The following ADGRB2 variants were observed in gnomAD, a reference collection of about 807,000 sequenced individuals.
ADGRB2 encodes adhesion G protein-coupled receptor B2, also known as brain-specific angiogenesis inhibitor 2.
In ADGRB2, 47 loss-of-function variants were observed where a neutral mutation model predicts 178.7. The observed-to-expected ratio is 0.26, with a 90% CI of 0.21 to 0.34. The LOEUF (loss-of-function observed/expected upper bound fraction) is 0.34, where lower values mean the gene tolerates loss of function less well. ADGRB2 is among the 10% of genes least tolerant of loss of function. The pLI is 1.00. For synonymous variants in ADGRB2, 870 were observed against 912.4 expected (o/e 0.95, Z 0.84); for missense variants, 1,584 against 2,180.8 (o/e 0.73, Z 5.45).
rs1570088745 is a variant in ADGRB2, at chr1:31,757,987, G to T, written c.-190-476C>A. ...CAGGCCAGAGTGGGTAAGGGCTGAG[G>T]ATGGGGGGAGCTGCAGGTGCCCTCC... On this transcript the variant is annotated intron_variant, in intron 1 of 32. Coordinates refer to ENST00000373658, the MANE Select transcript of ADGRB2 (RefSeq NM_001364857.2). 3.3e-5 allele frequency among the ~76,000 whole-genome samples: 5 copies of T among 152,266 alleles called. 1 individual carries two copies. The South Asian group carries it at 1.0e-3, about 32-fold the overall frequency.
At position 31,730,861 on chromosome 1, in the gene ADGRB2, T is replaced by A. The variant is rs1384963677; in HGVS notation, c.4319A>T (p.Glu1440Val). Residue 1440 changes from glutamate to valine, a missense_variant, in exon 29 of 33, where the codon GAG becomes GTG. This residue lies in a region of ADGRB2 where 865 missense variants were observed against 1,192.8 expected (regional missense o/e 0.73). Transcript: ENST00000373658. ...PSARQVPEPG[E>V]RSRTMPRTVP... ...GGTGCGAGGCATGGTCCGGCTGCGC[T>A]CCCCTGGCTCGGGCACTTGGCGGGC... is the stretch of plus-strand genomic sequence containing the variant. 1 of 1,545,232 alleles carries A rather than the reference T, an allele frequency of 6.5e-7. No homozygotes were observed. Among genetic ancestry groups the A allele is most frequent in the Non-Finnish European group, 8.7e-7 (1 of 1,148,200 alleles).
Position 31,744,043 on chromosome 1 carries a change from TG to T in ADGRB2, c.1087+149del. 1 of 1,060,078 alleles carries T rather than the reference TG, an allele frequency of 9.4e-7. No homozygotes were observed. The highest frequency in any genetic ancestry group is 1.3e-6 in the Non-Finnish European group (1 of 752,480). 65.7% of individuals were successfully genotyped at this position (1,060,078 alleles called of 1,614,324 possible). The stretch of plus-strand genomic sequence containing the variant: ...CCCAGTGCCCTGCACCGGGCTGGCA[TG>T]GTACGCAGAGTTGGGCATGGTGTGG... On this transcript the variant is annotated intron_variant, in intron 6 of 32. Coordinates refer to ENST00000373658, the MANE Select transcript of ADGRB2 (RefSeq NM_001364857.2). The surrounding 1 kb of genome is among the most constrained non-coding windows in gnomAD (Gnocchi z 6.7).
intron 4 of ADGRB2, among the ~76,000 whole-genome samples, chr1:31,751,910 A>T (rs1387042307): frequency 6.6e-6 from 1 of 152,156 alleles, no homozygotes; most frequent in Non-Finnish European, 1.5e-5. Flanking sequence ...TTTGTTAGGC[A>T]TCTACCATGT....
chr1:31,731,761 A>G (rs1259270733), intron 28 of ADGRB2, among the ~76,000 whole-genome samples: 1 of 152,108 alleles, frequency 6.6e-6, no homozygotes, highest in Non-Finnish European at 1.5e-5. Context: ...CAGAAATGGA[A>G]AGATTCTGGT....
At chr1:31,752,351 C>T (rs1030791325) in intron 4 of ADGRB2, among the ~76,000 whole-genome samples, 5 of 152,210 alleles carry the variant, frequency 3.3e-5, no homozygotes. Flanking sequence ...CAGATCTGGG[C>T]TGGAAGGACC....
rs913927899 is a variant in ADGRB2, at chr1:31,755,770, C to T, written c.838+229G>A. Among the ~76,000 whole-genome samples the T allele has an allele frequency of 2.6e-5, 4 of 152,044 alleles. No homozygotes were observed. Among genetic ancestry groups the T allele is most frequent in the African/African-American group, 9.7e-5 (4 of 41,384 alleles). ...GGTCCCTCCCTGGGTTTATATATCA[C>T]CCTGCATTATCTGATCTGTGCCCCC... On this transcript the variant is annotated intron_variant, in intron 4 of 32. Transcript: ENST00000373658. The surrounding 1 kb of genome is among the most constrained non-coding windows in gnomAD (Gnocchi z 5.1).
At chr1:31,743,034 G>C in intron 6 of ADGRB2, 32 bp from the exon 7 acceptor site, 2 of 1,377,730 alleles carry the variant, frequency 1.5e-6, no homozygotes, top group Non-Finnish European at 1.9e-6. Context: ...GTGGCTGGGC[G>C]GCACCATGGC....
intron 25 of ADGRB2, among the ~76,000 whole-genome samples, chr1:31,734,022 G>A (rs1485454596): frequency 1.3e-5 from 2 of 152,204 alleles, no homozygotes; most frequent in Admixed American, 6.5e-5. Context: ...GCACCATTCC[G>A]CAGAGACAGC....
At chr1:31,731,672 C>A (rs1645291033) in intron 28 of ADGRB2, among the ~76,000 whole-genome samples, 1 of 152,122 alleles carries the variant, frequency 6.6e-6, no homozygotes. Flanking sequence ...TGGTGCAGGT[C>A]CCGACTTTGA....
chr1:31,744,739 A>G lies in ADGRB2; in HGVS notation c.839-8T>C. On this transcript the variant is annotated splice_region_variant and splice_polypyrimidine_tract_variant and intron_variant, in intron 4 of 32. Coordinates refer to ENST00000373658, the MANE Select transcript of ADGRB2 (RefSeq NM_001364857.2). This position sits in a 1 kb window ranked among gnomAD's most constrained non-coding sequence, Gnocchi z 6.7. ...CCTCTTCCGGCTCCTCACCTGGAAC[A>G]CGGAGGTGGTGGCAGGGGCTCAGCA... 2 of 1,614,146 alleles carry G rather than the reference A, an allele frequency of 1.2e-6. No homozygotes were observed. The highest frequency in any genetic ancestry group is 1.7e-6 in the Non-Finnish European group (2 of 1,179,960).
rs1020694716 is a variant in ADGRB2 at position 31,744,375 on chromosome 1, C to T, written c.923-18G>A. On this transcript the variant is annotated intron_variant, in intron 5 of 32. Transcript: ENST00000373658. This position sits in a 1 kb window ranked among gnomAD's most constrained non-coding sequence, Gnocchi z 6.7. ...CGGGTCGCCTACGAGAGAGGGACAG[C>T]GTCGGCGGCAGGGGGCACCTCCCAA... is the stretch of plus-strand genomic sequence containing the variant. The T allele has an allele frequency of 3.9e-6, 6 of 1,547,752 alleles. No homozygotes were observed. The African/African-American group carries it at 5.5e-5, about 14-fold the overall frequency.
rs1383284629 is a variant in ADGRB2, at chr1:31,740,928, G to C, written c.1795-387C>G. ...ACACACACACACACACACACACACT[G>C]TCTTTCTCTCTCTCACTCTCTCTCA... On this transcript the variant is annotated intron_variant, in intron 11 of 32. Transcript: ENST00000373658. The surrounding 1 kb of genome is among the most constrained non-coding windows in gnomAD (Gnocchi z 5.9). Among the ~76,000 whole-genome samples the C allele has an allele frequency of 1.5e-4, 11 of 71,784 alleles. No individual in the cohort carries two copies. The highest frequency in any genetic ancestry group is 7.5e-3 in the Middle Eastern group (1 of 134). 47.1% of individuals were successfully genotyped at this position (71,784 alleles called of 152,430 possible). A position where few individuals can be genotyped will look rare whatever the true frequency, so the allele number is the denominator to read the frequency against.
At position 31,733,790 on chromosome 1, in the gene ADGRB2, C is replaced by T. The variant is rs1441550644; in HGVS notation, c.3453-647G>A. ...GCTGGGGCTAAAAGCTGGGGTCGGGCCAGGCCTACACCTCCCTGGCCTCCC... is the reference window on the plus strand; with the variant it reads ...GCTGGGGCTAAAAGCTGGGGTCGGGTCAGGCCTACACCTCCCTGGCCTCCC... On this transcript the variant is annotated intron_variant, in intron 25 of 32. Transcript: ENST00000373658. The surrounding 1 kb of genome is among the most constrained non-coding windows in gnomAD (Gnocchi z 4.3). Among the ~76,000 whole-genome samples, 7 of 152,094 alleles carry T rather than the reference C, an allele frequency of 4.6e-5. No individual in the cohort carries two copies. The highest frequency in any genetic ancestry group is 4.4e-5 in the Non-Finnish European group (3 of 67,998).
rs1255866558 is a variant in ADGRB2 at position 31,738,568 on chromosome 1, G to C, written c.2645+19C>G. 6.2e-7 allele frequency: 1 copy of C among 1,602,500 alleles called. No individual in the cohort carries two copies. ...CTAGGGCTGCTCCCTTCCTCACCCA[G>C]AGGAGCCACCCAACTCACGCTCTGG... On this transcript the variant is annotated intron_variant, in intron 17 of 32. Transcript: ENST00000373658.
intron 4 of ADGRB2, among the ~76,000 whole-genome samples, chr1:31,750,383 C>A (rs1233608800): frequency 6.6e-6 from 1 of 152,198 alleles, no homozygotes; most frequent in African/African-American, 2.4e-5. Context: ...CCACCCCAAC[C>A]ACAGAGAGGC....
rs1221555232 is a variant in ADGRB2, at chr1:31,759,589, C to T, written c.-190-2078G>A. Reference sequence around the variant, plus strand: ...AGTCTCCTTCAGACACCTTCACGCTCATTCTGGGATTTCGTCCTGGACATG... The same window carrying T: ...AGTCTCCTTCAGACACCTTCACGCTTATTCTGGGATTTCGTCCTGGACATG... On this transcript the variant is annotated intron_variant, in intron 1 of 32. Coordinates refer to ENST00000373658, the MANE Select transcript of ADGRB2 (RefSeq NM_001364857.2). The surrounding 1 kb of genome is among the most constrained non-coding windows in gnomAD (Gnocchi z 4.3). Among the ~76,000 whole-genome samples the T allele has an allele frequency of 3.3e-5, 5 of 152,268 alleles. No individual in the cohort carries two copies. In the East Asian group the frequency reaches 7.7e-4, roughly 23 times the overall value.
intron 1 of ADGRB2, among the ~76,000 whole-genome samples, chr1:31,762,210 G>A (rs1186317083): frequency 6.6e-6 from 1 of 152,116 alleles, no homozygotes; most frequent in Non-Finnish European, 1.5e-5. Context: ...AGCGGAAGGA[G>A]GAGAGAGGGA....
rs1219638571 is a variant in ADGRB2 at position 31,733,457 on chromosome 1, C to T, written c.3453-314G>A. ...AGAGAGAAGAGGAGGCAGACAGATGCACAGAATCACCTGAGGAGCTTTTTA... is the reference window on the plus strand; with the variant it reads ...AGAGAGAAGAGGAGGCAGACAGATGTACAGAATCACCTGAGGAGCTTTTTA... On this transcript the variant is annotated intron_variant, in intron 25 of 32. Coordinates refer to ENST00000373658, the MANE Select transcript of ADGRB2 (RefSeq NM_001364857.2). The surrounding 1 kb of genome is among the most constrained non-coding windows in gnomAD (Gnocchi z 4.3). Among the ~76,000 whole-genome samples the T allele has an allele frequency of 6.6e-6, 1 of 152,164 alleles. No homozygotes were observed. The highest frequency in any genetic ancestry group is 2.4e-5 in the African/African-American group (1 of 41,432).
chr1:31,739,205 C>T (rs1645798551), intron 15 of ADGRB2, 103 bp downstream of exon 15: 5 of 1,249,868 alleles, frequency 4.0e-6, no homozygotes, highest in Non-Finnish European at 5.4e-6. Flanking sequence ...GTGGAGGAGG[C>T]TGCCATGGAT....
Sources: gnomAD v4.1 joint callset for allele counts (sites outside exome capture counted in the v4.1 genomes callset) on GRCh38, gnomAD v4.1.1 for gene constraint, gnomAD v4.1.1 regional missense constraint, Gnocchi (gnomAD v3.1) non-coding constraint, MANE v1.5 for transcripts, NCBI Gene and HGNC (gene_info 2026-07-23, HGNC 2026-07-21) for gene names.